KHDRBS2: variants seen among roughly 807,000 people sequenced by gnomAD.
The protein encoded by KHDRBS2 is KH domain-containing, RNA-binding, signal transduction-associated protein 2.
In KHDRBS2, 26 loss-of-function variants were observed where a neutral mutation model predicts 44.3. The observed-to-expected ratio is 0.59, with a 90% CI of 0.43 to 0.81. The LOEUF is 0.81. KHDRBS2 is among the 40% of genes least tolerant of loss of function. The pLI is 0.00. For missense variants in KHDRBS2, 476 were observed against 433.1 expected (o/e 1.10, Z -0.88); for synonymous variants, 194 against 151.1 (o/e 1.28, Z -2.08).
intron 1 of KHDRBS2, among the ~76,000 whole-genome samples, chr6:62,215,554 C>T (rs1179967116): frequency 1.3e-5 from 2 of 151,580 alleles, no homozygotes; most frequent in Non-Finnish European, 2.9e-5. Context: ...CAGCCCCAAC[C>T]ACAATAAAAA....
At chr6:61,993,671 A>T (rs867533280) in intron 3 of KHDRBS2, among the ~76,000 whole-genome samples, 1,539 of 121,806 alleles carry the variant, frequency 0.013, 34 homozygotes, top group African/African-American at 0.041. Flanking sequence ...ATATATATAT[A>T]TATTTTTTTT....
intron 4 of KHDRBS2, among the ~76,000 whole-genome samples, chr6:61,976,490 T>A (rs1562566635): frequency 6.6e-6 from 1 of 152,170 alleles, no homozygotes; most frequent in African/African-American, 2.4e-5. Context: ...TGTGTGTAGA[T>A]ATACATATCA....
intron 2 of KHDRBS2, among the ~76,000 whole-genome samples, chr6:62,148,239 T>C (rs1814347479): frequency 6.6e-6 from 1 of 151,870 alleles, no homozygotes; most frequent in South Asian, 2.1e-4. Flanking sequence ...AAACCTCGAG[T>C]TCTTAGTACT....
At chr6:62,042,500 T>C (rs1389371293) in intron 3 of KHDRBS2, among the ~76,000 whole-genome samples, 1 of 152,032 alleles carries the variant, frequency 6.6e-6, no homozygotes, top group African/African-American at 2.4e-5. Flanking sequence ...TTCAAGATAT[T>C]AAAGAGTTGA....
intron 2 of KHDRBS2, among the ~76,000 whole-genome samples, chr6:62,079,534 G>A (rs1391042944): frequency 6.6e-6 from 1 of 151,974 alleles, no homozygotes; most frequent in Admixed American, 6.6e-5. Context: ...CAATATTTGA[G>A]CATCTTCGTA....
intron 6 of KHDRBS2, among the ~76,000 whole-genome samples, chr6:61,858,504 T>C (rs1796465283): frequency 6.6e-6 from 1 of 151,956 alleles, no homozygotes; most frequent in Non-Finnish European, 1.5e-5. Context: ...TGTAAAGATG[T>C]AACATGAAAT....
chr6:61,687,690 C>T (rs1274527935), intron 8 of KHDRBS2, among the ~76,000 whole-genome samples: 1 of 151,410 alleles, frequency 6.6e-6, no homozygotes, highest in Non-Finnish European at 1.5e-5. Context: ...ATGTATATAC[C>T]TAATTTCCAT....
At chr6:62,155,096 T>C (rs1299718695) in intron 2 of KHDRBS2, among the ~76,000 whole-genome samples, 1 of 151,656 alleles carries the variant, frequency 6.6e-6, no homozygotes, top group Non-Finnish European at 1.5e-5. Context: ...ATACTGGGAG[T>C]CTGGGAGATG....
rs570035221 is a variant in KHDRBS2 at position 62,044,102 on chromosome 6, A to G, written c.336+3776T>C. 6.6e-5 allele frequency among the ~76,000 whole-genome samples: 10 copies of G among 152,136 alleles called. No homozygotes were observed. In the East Asian group the frequency reaches 1.9e-3, roughly 30 times the overall value. ...TTTTTTCCCTGACTTACACAACCAA[A>G]TATCTTCTTTTATCATGAAGTAAAG... On this transcript the variant is annotated intron_variant, in intron 3 of 8. Coordinates refer to ENST00000281156, the MANE Select transcript of KHDRBS2 (RefSeq NM_152688.4).
chr6:61,717,686 G>A (rs1178879120), intron 7 of KHDRBS2, among the ~76,000 whole-genome samples: 1 of 152,092 alleles, frequency 6.6e-6, no homozygotes, highest in Non-Finnish European at 1.5e-5. Flanking sequence ...TCACACTTTA[G>A]TTTTCATTAG....
chr6:62,225,905 T>C (rs983628932), intron 1 of KHDRBS2, among the ~76,000 whole-genome samples: 4 of 152,258 alleles, frequency 2.6e-5, no homozygotes, highest in African/African-American at 7.2e-5. Context: ...CCATGGTGTA[T>C]ATGTACAACA....
intron 2 of KHDRBS2, among the ~76,000 whole-genome samples, chr6:62,080,374 T>C (rs181617340): frequency 8.5e-4 from 129 of 152,210 alleles, no homozygotes; most frequent in African/African-American, 3.0e-3. Context: ...TTTTCAAGGA[T>C]AATATCAAAA....
At chr6:62,097,368 T>A (rs1800844006) in intron 2 of KHDRBS2, among the ~76,000 whole-genome samples, 1 of 152,056 alleles carries the variant, frequency 6.6e-6, no homozygotes, top group South Asian at 2.1e-4. Context: ...TATTTCTCTC[T>A]CTTTAAGTCT....
At chr6:61,984,488 C>T (rs1756137476) in intron 3 of KHDRBS2, among the ~76,000 whole-genome samples, 1 of 152,084 alleles carries the variant, frequency 6.6e-6, no homozygotes. Context: ...TCTGAACATC[C>T]ATAATCTTAC....
chr6:61,950,853 C>A (rs1422473491), intron 4 of KHDRBS2, among the ~76,000 whole-genome samples: 1 of 151,912 alleles, frequency 6.6e-6, no homozygotes, highest in Admixed American at 6.6e-5. Flanking sequence ...GTACTAAATT[C>A]TGTGATGTTT....
chr6:62,087,703 G>A (rs926043912), intron 2 of KHDRBS2, among the ~76,000 whole-genome samples: 3 of 152,044 alleles, frequency 2.0e-5, no homozygotes, highest in African/African-American at 7.2e-5. Context: ...TATCTTTGTG[G>A]TGTTCTCTGT....
At chr6:62,123,289 A>G (rs1284967541) in intron 2 of KHDRBS2, among the ~76,000 whole-genome samples, 1 of 152,164 alleles carries the variant, frequency 6.6e-6, no homozygotes, top group Admixed American at 6.5e-5. Flanking sequence ...TTCTTAATCC[A>G]GTCTATCATT....
intron 2 of KHDRBS2, among the ~76,000 whole-genome samples, chr6:62,049,493 C>A (rs201736096): frequency 4.7e-5 from 7 of 148,152 alleles, no homozygotes; most frequent in South Asian, 2.1e-4. Flanking sequence ...CAAAGAGCAC[C>A]AAAAAAAAAA....
intron 6 of KHDRBS2, among the ~76,000 whole-genome samples, chr6:61,751,966 TCTC>T (rs1230609653): frequency 2.6e-5 from 4 of 151,964 alleles, no homozygotes; most frequent in African/African-American, 9.7e-5. Context: ...TGTGTCATAA[TCTC>T]CTCTTCTTAG....
Sources: allele counts gnomAD v4.1 joint callset (sites outside exome capture counted in the v4.1 genomes callset), GRCh38; gene constraint gnomAD v4.1.1; transcripts MANE v1.5; gene names NCBI Gene and HGNC (gene_info 2026-07-23, HGNC 2026-07-21).